The following PNISR variants were observed in gnomAD, a reference collection of about 807,000 sequenced individuals.
PNISR encodes PNN interacting serine and arginine rich protein, also known as arginine/serine-rich protein PNISR.
PNISR carries 20 observed loss-of-function variants against 93.4 expected under a neutral mutation model. The ratio of observed to expected loss-of-function variants is 0.21; its 90% confidence interval spans 0.15 to 0.31. The LOEUF (loss-of-function observed/expected upper bound fraction) is 0.31, where lower values mean the gene tolerates loss of function less well. PNISR is among the 10% of genes least tolerant of loss of function. PNISR has a pLI of 1.00. For synonymous variants in PNISR, 305 were observed against 306.5 expected (o/e 0.99, Z 0.05); for missense variants, 893 against 985.4 (o/e 0.91, Z 1.25).
At chr6:99,407,163 T>C (rs1490476097) in intron 7 of PNISR, among the ~76,000 whole-genome samples, 1 of 151,672 alleles carries the variant, frequency 6.6e-6, no homozygotes, top group Admixed American at 6.6e-5. Flanking sequence ...CTACGAAAAA[T>C]ACAAAAATTA....
In PNISR at chr6:99,400,179, G is replaced by C. The variant is rs1775283550; in HGVS notation, c.*361C>G. The C allele has an allele frequency of 4.7e-6, 1 of 211,318 alleles. No individual in the cohort carries two copies. Among genetic ancestry groups the C allele is most frequent in the African/African-American group, 2.4e-5 (1 of 42,420 alleles). 13.1% of individuals were successfully genotyped at this position (211,318 alleles called of 1,614,324 possible). A position where few individuals can be genotyped will look rare whatever the true frequency, so the allele number is the denominator to read the frequency against. On this transcript the variant is annotated 3_prime_UTR_variant, in exon 12 of 12. Coordinates refer to ENST00000369239, the MANE Select transcript of PNISR (RefSeq NM_032870.4). Reference sequence around the variant, plus strand: ...CAGATTAAAAAAAAAAAAGATTCTGGTTTCACCTACACAGCCACAATGTGC... The same window carrying C: ...CAGATTAAAAAAAAAAAAGATTCTGCTTTCACCTACACAGCCACAATGTGC...
rs773128958 is a variant in PNISR, at chr6:99,400,619, C to T, written c.2339G>A (p.Arg780Gln). 21 of 1,613,948 alleles carry T rather than the reference C, an allele frequency of 1.3e-5. No individual in the cohort carries two copies. The highest frequency in any genetic ancestry group is 1.7e-5 in the Non-Finnish European group (20 of 1,180,002). Reference protein sequence around the residue: ...EKKAKKPKHSRSRSVEKSQRS... With the variant: ...EKKAKKPKHSQSRSVEKSQRS... ...TTGAGATTTCTCCACGGATCGCGAT[C>T]GACTATGTTTAGGCTTCTTAGCCTT... is the stretch of plus-strand genomic sequence containing the variant. The change falls in exon 12 of 12, where the codon CGA becomes CAA. Residue 780 changes from arginine (R) to glutamine (Q), a missense_variant. Arg to Gln is a conservative substitution (Grantham distance 43, BLOSUM62 1). Coordinates refer to ENST00000369239, the MANE Select transcript of PNISR (RefSeq NM_032870.4).
chr6:99,414,218 T>C (rs1244952221), intron 3 of PNISR, among the ~76,000 whole-genome samples: 1 of 152,196 alleles, frequency 6.6e-6, no homozygotes, highest in East Asian at 1.9e-4. Flanking sequence ...TAAAATGATA[T>C]AGCACACCAT....
chr6:99,420,366 G>A (rs1464282058), intron 1 of PNISR, among the ~76,000 whole-genome samples: 1 of 152,222 alleles, frequency 6.6e-6, no homozygotes, highest in Non-Finnish European at 1.5e-5. Flanking sequence ...AAAAGAGACA[G>A]ATTGTAGTAA....
rs748860993 is a variant in PNISR, at chr6:99,414,685, T to G, written c.-26A>C. ...CCCTTCTTTTAAAATATACTTGATT[T>G]TCTATCTTCAATAAATTAAACATAG... On this transcript the variant is annotated 5_prime_UTR_variant, in exon 3 of 12. Transcript: ENST00000369239. The G allele has an allele frequency of 4.9e-6, 7 of 1,438,812 alleles. No individual in the cohort carries two copies. The African/African-American group carries it at 5.7e-5, about 12-fold the overall frequency. The allele number at this position is 1,438,812 out of a possible 1,614,324, so 89.1% of individuals were successfully genotyped here.
chr6:99,407,896 C>A (rs1413297727), intron 7 of PNISR, among the ~76,000 whole-genome samples, 185 bp downstream of exon 7: 1 of 152,142 alleles, frequency 6.6e-6, no homozygotes, highest in South Asian at 2.1e-4. Flanking sequence ...AACTTGTTGT[C>A]CCATTTTCTC....
chr6:99,408,755 A>G (rs555070792), intron 6 of PNISR, among the ~76,000 whole-genome samples: 3 of 152,246 alleles, frequency 2.0e-5, no homozygotes, highest in African/African-American at 7.2e-5. Context: ...TTTTCTGCCA[A>G]AATACTTAAG....
chr6:99,413,897 C>A (rs909055142), intron 3 of PNISR, among the ~76,000 whole-genome samples: 2 of 152,076 alleles, frequency 1.3e-5, no homozygotes, highest in African/African-American at 4.8e-5. Flanking sequence ...AATAATTGGA[C>A]AAGTGAATAA....
chr6:99,408,638 T>C (rs1422381403), intron 6 of PNISR, among the ~76,000 whole-genome samples: 1 of 152,232 alleles, frequency 6.6e-6, no homozygotes, highest in Non-Finnish European at 1.5e-5. Context: ...AATGCTCCTG[T>C]CCATTAAATA....
chr6:99,412,820 A>C (rs1337620696), intron 3 of PNISR, 81 bp from the exon 4 acceptor site: 3 of 864,246 alleles, frequency 3.5e-6, no homozygotes, highest in African/African-American at 3.4e-5. Flanking sequence ...TAAGCAGCTC[A>C]ACTATTCCTT....
chr6:99,414,828 T>C, intron 2 of PNISR, 138 bp from the exon 3 acceptor site: 1 of 439,976 alleles, frequency 2.3e-6, no homozygotes. Flanking sequence ...CAGAGGCAAC[T>C]AGAATTTTTA....
chr6:99,410,492 C>T, intron 5 of PNISR: 1 of 468,808 alleles, frequency 2.1e-6, no homozygotes, highest in Admixed American at 3.5e-5. Context: ...AGCTATTGCA[C>T]TTATACATTT....
intron 1 of PNISR, among the ~76,000 whole-genome samples, chr6:99,419,692 T>C (rs935241722): frequency 2.6e-5 from 4 of 152,136 alleles, no homozygotes. Flanking sequence ...CTGTGTTCAT[T>C]AGCTTCATTT....
rs1776385140 is a variant in PNISR, at chr6:99,408,115, C to T, written c.830G>A (p.Gly277Glu). ...EKKATEDAEG[G>E]DGPRLPQRSK... is the part of the protein sequence containing the mutation. The stretch of plus-strand genomic sequence containing the variant: ...TCTCTGAGGTAAACGAGGGCCATCC[C>T]CTCCTTCAGCATCTTCTGTGGCCTT... Residue 277 changes from glycine to glutamate, a missense_variant, in exon 7 of 12, where the codon GGG becomes GAG. By Grantham distance (98) the Gly-to-Glu change is moderately conservative. Coordinates refer to ENST00000369239, the MANE Select transcript of PNISR (RefSeq NM_032870.4). 6.2e-7 allele frequency: 1 copy of T among 1,605,428 alleles called. No homozygotes were observed. The highest frequency in any genetic ancestry group is 1.3e-5 in the African/African-American group (1 of 74,160).
At chr6:99,405,129 G>T (rs1037825383) in intron 8 of PNISR, among the ~76,000 whole-genome samples, 1 of 151,824 alleles carries the variant, frequency 6.6e-6, no homozygotes, top group Non-Finnish European at 1.5e-5. Context: ...CCATTTCAAG[G>T]AATAAAGTAT....
chr6:99,413,037 T>C (rs1005607790), intron 3 of PNISR, among the ~76,000 whole-genome samples: 22 of 152,322 alleles, frequency 1.4e-4, no homozygotes, highest in African/African-American at 4.8e-4. Context: ...TATTAATTCA[T>C]ATAAAATTTA....
chr6:99,411,034 C>G (rs775022134), intron 4 of PNISR, 70 bp from the exon 5 acceptor site: 1 of 1,166,532 alleles, frequency 8.6e-7, no homozygotes, highest in African/African-American at 1.5e-5. Flanking sequence ...ATTTTAAGAT[C>G]TCAAGAAAGA....
chr6:99,406,543 G>A (rs1342409272), intron 7 of PNISR, among the ~76,000 whole-genome samples: 1 of 152,000 alleles, frequency 6.6e-6, no homozygotes, highest in Admixed American at 6.6e-5. Context: ...ATGGACCATA[G>A]ACATATTATT....
Position 99,399,250 on chromosome 6 carries a change from T to C in PNISR, c.*1290A>G, listed in dbSNP as rs1247270365. On this transcript the variant is annotated 3_prime_UTR_variant, in exon 12 of 12. Coordinates refer to ENST00000369239, the MANE Select transcript of PNISR (RefSeq NM_032870.4). ...CTGAGTAAGTGATTACATAAAAAAA[T>C]GGACCCTAAAGCAACTGAGTTAAAA... 1 of 152,160 alleles carries C rather than the reference T, an allele frequency of 6.6e-6. No individual in the cohort carries two copies. Among genetic ancestry groups the C allele is most frequent in the Non-Finnish European group, 1.5e-5 (1 of 67,980 alleles). 9.4% of individuals were successfully genotyped at this position (152,160 alleles called of 1,614,324 possible).
Sources: allele counts gnomAD v4.1 joint callset (sites outside exome capture counted in the v4.1 genomes callset), GRCh38; gene constraint gnomAD v4.1.1; transcripts MANE v1.5; gene names NCBI Gene and HGNC (gene_info 2026-07-23, HGNC 2026-07-21).